Variants in DCHS2 observed in about 807,000 individuals in gnomAD.
DCHS2 encodes protocadherin-23.
In DCHS2, 142 loss-of-function variants were observed where a neutral mutation model predicts 182.4. The observed-to-expected ratio is 0.78, with a 90% CI of 0.68 to 0.89. The LOEUF (loss-of-function observed/expected upper bound fraction) is 0.89. Ranked by LOEUF, DCHS2 falls within the 40% of genes least tolerant of loss-of-function variation. The pLI is 0.00. For synonymous variants in DCHS2, 1,740 were observed against 1,663.3 expected (o/e 1.05, Z -1.12); for missense variants, 4,319 against 4,198.6 (o/e 1.03, Z -0.79).
At chr4:154,402,712 T>G (rs538638297) in intron 1 of DCHS2, among the ~76,000 whole-genome samples, 106 of 152,288 alleles carry the variant, frequency 7.0e-4, no homozygotes, top group Non-Finnish European at 8.8e-5. Flanking sequence ...CTAGAATAAG[T>G]TAAGACTTTG....
Position 154,489,931 on chromosome 4 carries a change from C to G in DCHS2, c.1425G>C (p.Glu475Asp), listed in dbSNP as rs1370587184. 6.5e-7 allele frequency: 1 copy of G among 1,540,626 alleles called. No individual in the cohort carries two copies. The highest frequency in any genetic ancestry group is 1.4e-5 in the African/African-American group (1 of 72,620). Residue 475 changes from glutamate (E) to aspartate (D), a missense_variant, in exon 1 of 20, where the codon GAG (glutamate) becomes GAC (aspartate). Physicochemically the swap from Glu to Asp is conservative, Grantham distance 45 (BLOSUM62 2). Coordinates refer to ENST00000357232, the MANE Select transcript of DCHS2 (RefSeq NM_001358235.2). The part of the protein sequence containing the change: ...GSISLSLEGG[E>D]GDFALLPGGP... ...CGCCGGGTAGCAACGCGAAGTCTCCCTCTCCGCCTTCCAAGGACAGAGAGA... is the reference window on the plus strand; with the variant it reads ...CGCCGGGTAGCAACGCGAAGTCTCCGTCTCCGCCTTCCAAGGACAGAGAGA...
chr4:154,259,631 C>T lies in DCHS2; in HGVS notation c.6703G>A (p.Glu2235Lys), dbSNP rs1212090303. Residue 2235 changes from glutamate to lysine, a missense_variant, in exon 15 of 20, where the codon GAG becomes AAG. Coordinates refer to ENST00000357232, the MANE Select transcript of DCHS2 (RefSeq NM_001358235.2). Reference sequence around the variant, plus strand: ...TCAAAGCATGGTGAATTATCATTCTCATCCTGTATCAAGACTGCTACTTTG... The same window carrying T: ...TCAAAGCATGGTGAATTATCATTCTTATCCTGTATCAAGACTGCTACTTTG... ...YCKVAVLIQD[E>K]NDNSPCFEQS... is the part of the protein sequence containing the mutation. 4 of 1,614,050 alleles carry T rather than the reference C, an allele frequency of 2.5e-6. No individual in the cohort carries two copies. Among genetic ancestry groups the T allele is most frequent in the Middle Eastern group, 1.6e-4 (1 of 6,062 alleles).
chr4:154,427,985 A>G (rs1733400718), intron 1 of DCHS2, among the ~76,000 whole-genome samples: 3 of 152,254 alleles, frequency 2.0e-5, no homozygotes. Context: ...AGAAGTGCAT[A>G]TGAAGGCAGT....
At chr4:154,288,789 G>T (rs1301532092) in intron 13 of DCHS2, among the ~76,000 whole-genome samples, 1 of 151,966 alleles carries the variant, frequency 6.6e-6, no homozygotes, top group Non-Finnish European at 1.5e-5. Flanking sequence ...AAATTATACA[G>T]ACACATGAAA....
chr4:154,324,542 T>C (rs1013831015), intron 7 of DCHS2, among the ~76,000 whole-genome samples: 6 of 152,182 alleles, frequency 3.9e-5, no homozygotes, highest in Non-Finnish European at 8.8e-5. Flanking sequence ...ATATTGATGC[T>C]TATAATTTAG....
At chr4:154,466,303 A>G (rs1164055490) in intron 1 of DCHS2, among the ~76,000 whole-genome samples, 1 of 152,164 alleles carries the variant, frequency 6.6e-6, no homozygotes, top group African/African-American at 2.4e-5. Flanking sequence ...CAGAGATGAA[A>G]GCCTTCATTA....
chr4:154,462,641 A>G lies in DCHS2; in HGVS notation c.2052+26663T>C, dbSNP rs563531925. On this transcript the variant is annotated intron_variant, in intron 1 of 19. Transcript: ENST00000357232. Reference sequence around the variant, plus strand: ...ATGTCTGACTCTGGATTTTGTATATACAAATTGACAACTGTTCCAATCCAA... The same window carrying G: ...ATGTCTGACTCTGGATTTTGTATATGCAAATTGACAACTGTTCCAATCCAA... Among the ~76,000 whole-genome samples, 3 of 152,312 alleles carry G rather than the reference A, an allele frequency of 2.0e-5. No homozygotes were observed. In the South Asian group the frequency reaches 6.2e-4, roughly 32 times the overall value.
intron 1 of DCHS2, among the ~76,000 whole-genome samples, chr4:154,479,904 T>C (rs1560782684): frequency 6.6e-6 from 1 of 152,178 alleles, no homozygotes; most frequent in African/African-American, 2.4e-5. Context: ...AAATGCCATA[T>C]AAAAATTCTT....
In DCHS2 at chr4:154,320,650, G is replaced by A; in HGVS notation, c.4749C>T (p.Val1583=). The change falls in exon 9 of 20, where the codon GTC becomes GTT. Residue 1583 remains valine, a synonymous_variant. Coordinates refer to ENST00000357232, the MANE Select transcript of DCHS2 (RefSeq NM_001358235.2). ...SRLDRESIPT[V]ILTVTASDQA... ...GATCAGATGCTGTTACTGTCAGGAT[G>A]ACAGTTGGAATGCTTTCTCTGTCAA... The A allele has an allele frequency of 6.2e-7, 1 of 1,614,146 alleles. No individual in the cohort carries two copies. The highest frequency in any genetic ancestry group is 2.2e-5 in the East Asian group (1 of 44,882).
intron 1 of DCHS2, among the ~76,000 whole-genome samples, chr4:154,464,174 G>A (rs981241002): frequency 2.0e-5 from 3 of 152,008 alleles, no homozygotes; most frequent in African/African-American, 7.2e-5. Flanking sequence ...TAGATAGAGG[G>A]GACACTGAAT....
intron 14 of DCHS2, among the ~76,000 whole-genome samples, chr4:154,262,508 C>T (rs929082035): frequency 1.1e-4 from 16 of 152,096 alleles, no homozygotes; most frequent in African/African-American, 3.9e-4. Context: ...CATGTTCTTG[C>T]TTATATGTTA....
chr4:154,258,771 A>C (rs1578870581), intron 15 of DCHS2, among the ~76,000 whole-genome samples: 1 of 152,224 alleles, frequency 6.6e-6, no homozygotes, highest in African/African-American at 2.4e-5. Context: ...GCCTTACCCC[A>C]CCTAGCCCAG....
intron 1 of DCHS2, among the ~76,000 whole-genome samples, chr4:154,410,941 C>T (rs912073101): frequency 6.6e-6 from 1 of 152,160 alleles, no homozygotes. Context: ...CCAGCAGTAA[C>T]CTTGCAGACC....
intron 1 of DCHS2, among the ~76,000 whole-genome samples, chr4:154,426,669 C>G (rs936749091): frequency 6.6e-6 from 1 of 152,078 alleles, no homozygotes; most frequent in African/African-American, 2.4e-5. Context: ...TGCGATGGCT[C>G]ATGCCTGTAA....
At chr4:154,252,452 A>ATCTT (rs1732417361) in intron 16 of DCHS2, among the ~76,000 whole-genome samples, 2 of 152,074 alleles carry the variant, frequency 1.3e-5, no homozygotes, top group South Asian at 2.1e-4. Context: ...ATATTTTGTA[A>ATCTT]TCTTTAACCA....
At position 154,239,308 on chromosome 4, in the gene DCHS2, G is replaced by A. The variant is rs780687294; in HGVS notation, c.7360-6C>T. On this transcript the variant is annotated splice_region_variant and splice_polypyrimidine_tract_variant and intron_variant, in intron 18 of 19. Coordinates refer to ENST00000357232, the MANE Select transcript of DCHS2 (RefSeq NM_001358235.2). Reference sequence around the variant, plus strand: ...ATTGATTCAGGAACTGTGACCTGAGGGAAAAAGAGAAAAATAGGGACATTG... The same window carrying A: ...ATTGATTCAGGAACTGTGACCTGAGAGAAAAAGAGAAAAATAGGGACATTG... 3.1e-6 allele frequency: 5 copies of A among 1,610,746 alleles called. No homozygotes were observed. Among genetic ancestry groups the A allele is most frequent in the Non-Finnish European group, 3.4e-6 (4 of 1,179,018 alleles).
chr4:154,413,089 C>G (rs1414948296), intron 1 of DCHS2, among the ~76,000 whole-genome samples: 1 of 152,190 alleles, frequency 6.6e-6, no homozygotes. Context: ...AATTACAAGT[C>G]TGATTCTGAA....
chr4:154,280,106 G>A (rs1734061228), intron 13 of DCHS2, among the ~76,000 whole-genome samples: 3 of 151,796 alleles, frequency 2.0e-5, no homozygotes, highest in Admixed American at 2.0e-4. Context: ...CAATTATACA[G>A]CAAAAAATTA....
chr4:154,289,844 C>A (rs915342138), intron 13 of DCHS2, among the ~76,000 whole-genome samples: 1 of 151,998 alleles, frequency 6.6e-6, no homozygotes, highest in Non-Finnish European at 1.5e-5. Context: ...ATGATTATTT[C>A]AATTCATGCT....
Sources: allele counts gnomAD v4.1 joint callset (sites outside exome capture counted in the v4.1 genomes callset), GRCh38; gene constraint gnomAD v4.1.1; transcripts MANE v1.5; gene names NCBI Gene and HGNC (gene_info 2026-07-23, HGNC 2026-07-21).